The following CHMP1A variants were observed in gnomAD, a reference collection of about 807,000 sequenced individuals.
CHMP1A encodes the protein charged multivesicular body protein 1A, also known as VPS46 homolog A.
Under a neutral mutation model 27.0 loss-of-function variants are expected in CHMP1A, and 17 were observed. The ratio of observed to expected loss-of-function variants is 0.63; its 90% CI spans 0.43 to 0.95. The LOEUF (loss-of-function observed/expected upper bound fraction) is 0.95. CHMP1A is among the 40% of genes least tolerant of loss of function. The probability of loss-of-function intolerance (pLI) is 0.00; values close to 1 mark genes in which losing one functional copy is unlikely to be tolerated. For synonymous variants in CHMP1A, 131 were observed against 107.5 expected (o/e 1.22, Z -1.35); for missense variants, 275 against 264.0 (o/e 1.04, Z -0.29).
rs201303986 is a variant in CHMP1A, at chr16:89,647,167, C to G, written c.381+36G>C. ...TGAGCTGCCCACACACGCTCCTTGT[C>G]CCCAGGCCACAGCCCCAAGGGTAGG... On this transcript the variant is annotated intron_variant, in intron 5 of 6. Transcript: ENST00000397901. 7.4e-4 allele frequency: 1,185 copies of G among 1,602,614 alleles called. 9 individuals are homozygous for G. The African/African-American group carries it at 0.014, about 20-fold the overall frequency.
intron 1 of CHMP1A, 41 bp from the exon 2 acceptor site, chr16:89,653,964 T>C (rs1170531212): frequency 6.2e-7 from 1 of 1,607,922 alleles, no homozygotes; most frequent in African/African-American, 1.3e-5. Context: ...GGATTGGGAA[T>C]GGGACGTTAC....
intron 4 of CHMP1A, among the ~76,000 whole-genome samples, 174 bp from the exon 5 acceptor site, chr16:89,647,505 G>C (rs550443128): frequency 2.6e-5 from 4 of 152,132 alleles, no homozygotes; most frequent in Admixed American, 2.6e-4. Context: ...CCACCAACTC[G>C]ACGGAAAAGG....
chr16:89,648,393 CGCCG>C, intron 4 of CHMP1A, among the ~76,000 whole-genome samples: 2 of 44,554 alleles, frequency 4.5e-5, no homozygotes, highest in Non-Finnish European at 1.0e-4. Flanking sequence ...GAGAAAAGGC[CGCCG>C]ACGTGGGGAC....
rs1170405129 is a variant in CHMP1A at position 89,645,208 on chromosome 16, G to A, written c.*858C>T. 6.6e-6 allele frequency: 1 copy of A among 152,432 alleles called. No homozygotes were observed. Among genetic ancestry groups the A allele is most frequent in the Non-Finnish European group, 1.5e-5 (1 of 68,216 alleles). 9.4% of individuals were successfully genotyped at this position (152,432 alleles called of 1,614,324 possible). ...ACACAGGCAGCATCGTCATGAAGCA[G>A]GGCCCCAAGGAAAGGTCCTCCGGGA... On this transcript the variant is annotated 3_prime_UTR_variant, in exon 7 of 7. Coordinates refer to ENST00000397901, the MANE Select transcript of CHMP1A (RefSeq NM_002768.5).
At chr16:89,650,523 C>T (rs1477760878) in intron 3 of CHMP1A, among the ~76,000 whole-genome samples, 1 of 152,280 alleles carries the variant, frequency 6.6e-6, no homozygotes, top group Non-Finnish European at 1.5e-5. Flanking sequence ...ATGATAGGAT[C>T]CGCTGGGCCC....
Position 89,650,340 on chromosome 16 carries a change from G to A in CHMP1A, c.106-843C>T, listed in dbSNP as rs1041558293. Among the ~76,000 whole-genome samples, 9 of 152,028 alleles carry A rather than the reference G, an allele frequency of 5.9e-5. No individual in the cohort carries two copies. The East Asian group carries it at 9.7e-4, about 16-fold the overall frequency. ...ATTATAGGTGTGAATCACTGCGCCC[G>A]GCCTAGATCCCTCCTCTCCTTCTGC... is the stretch of plus-strand genomic sequence containing the variant. On this transcript the variant is annotated intron_variant, in intron 3 of 6. Coordinates refer to ENST00000397901, the MANE Select transcript of CHMP1A (RefSeq NM_002768.5).
chr16:89,652,148 G>C (rs1179166117), intron 2 of CHMP1A, among the ~76,000 whole-genome samples: 2 of 152,208 alleles, frequency 1.3e-5, no homozygotes, highest in South Asian at 4.1e-4. Context: ...CAGCTTCCGG[G>C]GATCTAACTG....
intron 6 of CHMP1A, 139 bp downstream of exon 6, chr16:89,646,388 C>T: frequency 9.9e-7 from 1 of 1,009,250 alleles, no homozygotes; most frequent in Non-Finnish European, 1.4e-6. Context: ...GCAGCTGGGG[C>T]CTCTGAGTCG....
Position 89,646,684 on chromosome 16 carries a change from T to C in CHMP1A, c.412A>G (p.Thr138Ala), listed in dbSNP as rs940920748. The change falls in exon 6 of 7, where the codon ACC becomes GCC. Residue 138 changes from threonine to alanine, a missense_variant. By Grantham distance (58) the Thr-to-Ala change is moderately conservative. Transcript: ENST00000397901. ...ACCTGCTCCTGCGGCGTGGTCAGGG[T>C]GGTGGCCGAGCTCATGGAGTCCTCC... The part of the protein sequence containing the change: ...VMEDSMSSAT[T>A]LTTPQEQVDS... 1 of 1,610,390 alleles carries C rather than the reference T, an allele frequency of 6.2e-7. No homozygotes were observed. The highest frequency in any genetic ancestry group is 1.3e-5 in the African/African-American group (1 of 74,968).
At position 89,647,645 on chromosome 16, in the gene CHMP1A, T is replaced by C. The variant is rs547130313; in HGVS notation, c.253-314A>G. Among the ~76,000 whole-genome samples the C allele has an allele frequency of 8.2e-4, 50 of 60,714 alleles. 1 individual carries two copies. Among genetic ancestry groups the C allele is most frequent in the South Asian group, 1.5e-3 (3 of 1,942 alleles). The allele number at this position is 60,714 out of a possible 152,430, so 39.8% of individuals were successfully genotyped here. On this transcript the variant is annotated intron_variant, in intron 4 of 6. Coordinates refer to ENST00000397901, the MANE Select transcript of CHMP1A (RefSeq NM_002768.5). Reference sequence around the variant, plus strand: ...GTCGGTGGAGAAAAGGCCGCCGACGTGGGGACCCAGCGCGGGGTCGGTGGA... The same window carrying C: ...GTCGGTGGAGAAAAGGCCGCCGACGCGGGGACCCAGCGCGGGGTCGGTGGA...
At chr16:89,653,805 A>C in intron 2 of CHMP1A, 99 bp downstream of exon 2, 1 of 1,293,700 alleles carries the variant, frequency 7.7e-7, no homozygotes. Context: ...CAACTGTTAT[A>C]TAATCTGCCC....
intron 5 of CHMP1A, 178 bp from the exon 6 acceptor site, chr16:89,646,892 A>G: frequency 4.2e-6 from 1 of 236,874 alleles, no homozygotes; most frequent in Non-Finnish European, 7.3e-6. Context: ...CTGCCCCCCC[A>G]CCCAGCCCCA....
chr16:89,655,714 C>T (rs1223433245), intron 1 of CHMP1A, among the ~76,000 whole-genome samples: 1 of 152,190 alleles, frequency 6.6e-6, no homozygotes, highest in East Asian at 1.9e-4. Context: ...CAACCTCTGC[C>T]TCCCAGGTTT....
intron 4 of CHMP1A, chr16:89,649,057 G>A (rs939184597): frequency 1.4e-5 from 5 of 361,926 alleles, no homozygotes; most frequent in Admixed American, 4.7e-5. Context: ...AAAAGCCCAA[G>A]TCTTATCAAG....
In CHMP1A at chr16:89,651,585, T is replaced by A; in HGVS notation, c.89A>T (p.Gln30Leu). ...GGGTCTCACCTTCTTCACTTTGGCC[T>A]GCTCCGCCTTGGAGTCCTTCTCCGC... ...KKAEKDSKAE[Q>L]AKVKKALLQK... Residue 30 changes from glutamine (Q) to leucine (L), a missense_variant, in exon 3 of 7, where the codon CAG becomes CTG. Coordinates refer to ENST00000397901, the MANE Select transcript of CHMP1A (RefSeq NM_002768.5). The A allele has an allele frequency of 6.2e-7, 1 of 1,613,750 alleles. No individual in the cohort carries two copies.
At position 89,649,564 on chromosome 16, in the gene CHMP1A, G is replaced by A. The variant is rs1266813359; in HGVS notation, c.106-67C>T. The stretch of plus-strand genomic sequence containing the variant: ...GTGTGTGCCCCCTGCTAGGAGCCCA[G>A]TTTTTGTTTTGTTTTGTTTTGTTTT... On this transcript the variant is annotated intron_variant, in intron 3 of 6. Transcript: ENST00000397901. The A allele has an allele frequency of 5.1e-6, 8 of 1,583,064 alleles. No homozygotes were observed. The East Asian group carries it at 1.8e-4, about 36-fold the overall frequency.
At chr16:89,646,220 C>A (rs2059772126) in intron 6 of CHMP1A, 133 bp from the exon 7 acceptor site, 5 of 830,048 alleles carry the variant, frequency 6.0e-6, no homozygotes, top group Non-Finnish European at 7.4e-6. Flanking sequence ...TGGAAACAGA[C>A]ATGCCCTGTC....
chr16:89,649,198 C>T (rs1269894313), intron 4 of CHMP1A, 153 bp downstream of exon 4: 3 of 666,210 alleles, frequency 4.5e-6, no homozygotes, highest in African/African-American at 3.0e-5. Flanking sequence ...CCTCAACCTC[C>T]CCACCCCACG....
In CHMP1A at chr16:89,649,676, T is replaced by C. The variant is rs149748642; in HGVS notation, c.106-179A>G. The C allele has an allele frequency of 3.8e-3, 2,582 of 671,060 alleles. 43 individuals carry two copies. The African/African-American group carries it at 0.041, about 11-fold the overall frequency. The allele number at this position is 671,060 out of a possible 1,614,324, so 41.6% of individuals were successfully genotyped here. On this transcript the variant is annotated intron_variant, in intron 3 of 6. Transcript: ENST00000397901. ...ACGCAAGCTCCGCCCCCCAGGTTCA[T>C]GCCATTCTCCTGCCTCAGCCTCCCG...
Sources: gnomAD v4.1 joint callset for allele counts (sites outside exome capture counted in the v4.1 genomes callset) on GRCh38, gnomAD v4.1.1 for gene constraint, MANE v1.5 for transcripts, NCBI Gene and HGNC (gene_info 2026-07-23, HGNC 2026-07-21) for gene names.